Variants in CUL3 observed in about 807,000 individuals in gnomAD.
The protein encoded by CUL3 is cullin 3, also known as cullin-3.
A neutral mutation model predicts 89.1 loss-of-function variants in CUL3; 19 were observed. The observed-to-expected ratio is 0.21, with a 90% CI of 0.15 to 0.31. The LOEUF is 0.31. Ranked by LOEUF, CUL3 falls within the 10% of genes least tolerant of loss-of-function variation. CUL3 has a pLI of 1.00. For missense variants in CUL3, 469 were observed against 942.3 expected (o/e 0.50, Z 6.58); for synonymous variants, 351 against 308.4 (o/e 1.14, Z -1.45).
chr2:224,565,713 T>C (rs1213419701), intron 1 of CUL3, among the ~76,000 whole-genome samples: 1 of 152,192 alleles, frequency 6.6e-6, no homozygotes, highest in African/African-American at 2.4e-5. Context: ...AGCGCTCATC[T>C]CCATCAAGTC....
At position 224,503,001 on chromosome 2, in the gene CUL3, C is replaced by T. The variant is rs1429432359; in HGVS notation, c.1449G>A (p.Thr483=). 5.6e-6 allele frequency: 9 copies of T among 1,613,782 alleles called. No homozygotes were observed. The highest frequency in any genetic ancestry group is 2.2e-5 in the East Asian group (1 of 44,868). ...MFRDMSISNT[T]MDEFRQHLQA... is the part of the protein sequence containing the mutation. ...GTAGATGTTGCCTGAATTCATCCAT[C>T]GTTGTGTTTGAGATGCTCATATCCC... Residue 483 remains threonine, a synonymous_variant, in exon 10 of 16, where the codon ACG becomes ACA. Coordinates refer to ENST00000264414, the MANE Select transcript of CUL3 (RefSeq NM_003590.5).
At chr2:224,524,678 G>A (rs1463395911) in intron 3 of CUL3, among the ~76,000 whole-genome samples, 3 of 151,628 alleles carry the variant, frequency 2.0e-5, no homozygotes, top group South Asian at 2.1e-4. Context: ...CCTGCCTGCC[G>A]GAACAAAATT....
chr2:224,540,853 C>G (rs1020835288), intron 2 of CUL3, among the ~76,000 whole-genome samples: 1 of 152,186 alleles, frequency 6.6e-6, no homozygotes, highest in African/African-American at 2.4e-5. Flanking sequence ...TTGTTCTCTT[C>G]TGTGTCCACG....
intron 13 of CUL3, among the ~76,000 whole-genome samples, chr2:224,493,111 C>A (rs1692045476): frequency 6.6e-6 from 1 of 152,168 alleles, no homozygotes; most frequent in South Asian, 2.1e-4. Context: ...GCCAGAACTA[C>A]CCAACTGAGT....
At chr2:224,497,134 T>C (rs1262800314) in intron 12 of CUL3, among the ~76,000 whole-genome samples, 1 of 152,140 alleles carries the variant, frequency 6.6e-6, no homozygotes, top group African/African-American at 2.4e-5. Flanking sequence ...GCCTCCTAGA[T>C]GACAATTTAG....
At chr2:224,490,026 A>C (rs1691896454) in intron 13 of CUL3, among the ~76,000 whole-genome samples, 1 of 152,236 alleles carries the variant, frequency 6.6e-6, no homozygotes, top group African/African-American at 2.4e-5. Flanking sequence ...GAACCCCATC[A>C]AAAAGTGGAC....
intron 3 of CUL3, among the ~76,000 whole-genome samples, chr2:224,529,812 A>G (rs188797313): frequency 1.2e-4 from 18 of 152,268 alleles, no homozygotes; most frequent in African/African-American, 3.1e-4. Flanking sequence ...GCCAAACAAC[A>G]AAGTTATGTG....
At chr2:224,497,370 A>G (rs1692207272) in intron 12 of CUL3, among the ~76,000 whole-genome samples, 1 of 152,116 alleles carries the variant, frequency 6.6e-6, no homozygotes, top group Non-Finnish European at 1.5e-5. Context: ...AATTTTCCCA[A>G]TCTTGATTTA....
intron 3 of CUL3, among the ~76,000 whole-genome samples, chr2:224,527,134 A>G (rs1693510866): frequency 6.6e-6 from 1 of 152,210 alleles, no homozygotes; most frequent in South Asian, 2.1e-4. Context: ...TTCTTACAAA[A>G]GCAAAGTCAG....
chr2:224,582,816 A>T (rs749503573), intron 1 of CUL3, among the ~76,000 whole-genome samples: 25 of 152,236 alleles, frequency 1.6e-4, no homozygotes, highest in Non-Finnish European at 3.1e-4. Context: ...AGCTATACTG[A>T]CAGACCCCCA....
In CUL3 at chr2:224,481,869, AG is replaced by A. The variant is rs769139389; in HGVS notation, c.2029+22del. The A allele has an allele frequency of 2.1e-6, 3 of 1,411,436 alleles. No homozygotes were observed. In the African/African-American group the frequency reaches 4.5e-5, roughly 21 times the overall value. 87.4% of individuals were successfully genotyped at this position (1,411,436 alleles called of 1,614,324 possible). ...AGAGAAAAATATATAATTTTTTGAG[AG>A]GAAAAATATAATTCCAGATACCTGT... On this transcript the variant is annotated intron_variant, in intron 14 of 15. Coordinates refer to ENST00000264414, the MANE Select transcript of CUL3 (RefSeq NM_003590.5).
intron 3 of CUL3, among the ~76,000 whole-genome samples, chr2:224,533,670 C>T (rs1466487672): frequency 6.6e-6 from 1 of 152,164 alleles, no homozygotes; most frequent in East Asian, 1.9e-4. Context: ...TCGAAAACAA[C>T]AAGCTAACTT....
intron 3 of CUL3, among the ~76,000 whole-genome samples, chr2:224,517,662 T>C (rs915811287): frequency 5.3e-5 from 8 of 152,168 alleles, no homozygotes; most frequent in Admixed American, 3.3e-4. Context: ...CAAGACCCCA[T>C]TTCAAAAAGA....
intron 13 of CUL3, among the ~76,000 whole-genome samples, chr2:224,487,336 G>C (rs906142408): frequency 2.0e-5 from 3 of 150,704 alleles, no homozygotes; most frequent in African/African-American, 7.3e-5. Flanking sequence ...TGGATAAAGA[G>C]TCAAGGCCTA....
intron 6 of CUL3, among the ~76,000 whole-genome samples, chr2:224,508,986 A>C (rs1692712078): frequency 6.7e-6 from 1 of 148,654 alleles, no homozygotes; most frequent in African/African-American, 2.5e-5. Context: ...ATACCTCTGA[A>C]CTTCATTTCA....
intron 1 of CUL3, among the ~76,000 whole-genome samples, chr2:224,568,850 C>T (rs929098824): frequency 1.1e-4 from 16 of 152,216 alleles, no homozygotes; most frequent in African/African-American, 3.9e-4. Flanking sequence ...AATACATACA[C>T]ATGATCGGGT....
intron 1 of CUL3, among the ~76,000 whole-genome samples, chr2:224,570,168 G>A (rs1351981555): frequency 6.6e-6 from 1 of 152,006 alleles, no homozygotes; most frequent in Non-Finnish European, 1.5e-5. Flanking sequence ...TCTGAATACA[G>A]TCCATTTGCA....
At chr2:224,484,548 CTCA>C (rs1412166617) in intron 13 of CUL3, among the ~76,000 whole-genome samples, 1 of 152,040 alleles carries the variant, frequency 6.6e-6, no homozygotes, top group Non-Finnish European at 1.5e-5. Context: ...CTTAATGTAT[CTCA>C]TCATATAGAT....
rs777376281 is a variant in CUL3 at position 224,514,662 on chromosome 2, T to C, written c.489A>G (p.Gln163=). The C allele has an allele frequency of 6.2e-6, 10 of 1,613,806 alleles. No homozygotes were observed. In the South Asian group the frequency reaches 8.8e-5, roughly 14 times the overall value. The change falls in exon 4 of 16, where the codon CAA becomes CAG. Residue 163 remains glutamine (Q), a synonymous_variant. Transcript: ENST00000264414. Reference sequence around the variant, plus strand: ...CTCTTGCAATCATATCCAATAGAGTTTGCCGTAGATGATCCCTAATACACC... The same window carrying C: ...CTCTTGCAATCATATCCAATAGAGTCTGCCGTAGATGATCCCTAATACACC... ...RYGCIRDHLR[Q]TLLDMIARER...
Sources: gnomAD v4.1 joint callset for allele counts (sites outside exome capture counted in the v4.1 genomes callset) on GRCh38, gnomAD v4.1.1 for gene constraint, MANE v1.5 for transcripts, NCBI Gene and HGNC (gene_info 2026-07-23, HGNC 2026-07-21) for gene names.